ASS1: variants seen among roughly 807,000 people sequenced by gnomAD.
ASS1 encodes argininosuccinate synthase.
A neutral mutation model predicts 60.5 loss-of-function variants in ASS1; 58 were observed. The ratio of observed to expected loss-of-function variants is 0.96; its 90% CI spans 0.78 to 1.19. The LOEUF (loss-of-function observed/expected upper bound fraction) is 1.19, where lower values mean the gene tolerates loss of function less well. ASS1 is among the 50% of genes most tolerant of loss of function. The pLI is 0.00. For missense variants in ASS1, 454 were observed against 547.3 expected (o/e 0.83, Z 1.70); for synonymous variants, 200 against 206.9 (o/e 0.97, Z 0.29).
chr9:130,465,056 A>ATATATATATATATATTTTTTTTTTTT (rs1479147331), intron 5 of ASS1, among the ~76,000 whole-genome samples: 1 of 120,144 alleles, frequency 8.3e-6, no homozygotes, highest in African/African-American at 3.6e-5. Flanking sequence ...ATATATATAT[A>ATATATATATATATATTTTTTTTTTTT]TTTTTTTTTT....
intron 5 of ASS1, among the ~76,000 whole-genome samples, chr9:130,464,421 C>T (rs1198243958): frequency 6.6e-6 from 1 of 152,328 alleles, no homozygotes; most frequent in East Asian, 1.9e-4. Context: ...TAGAAAGTCC[C>T]TGCCACTCTT....
Position 130,478,238 on chromosome 9 carries a change from G to A in ASS1, c.688+1277G>A, listed in dbSNP as rs745900300. On this transcript the variant is annotated intron_variant, in intron 9 of 14. Coordinates refer to ENST00000352480, the MANE Select transcript of ASS1 (RefSeq NM_054012.4). This position sits in a 1 kb window ranked among gnomAD's most constrained non-coding sequence, Gnocchi z 4.7. Reference sequence around the variant, plus strand: ...CCAAAGAGGACCCCAAAGGCAGCCGGGCCCCCAGGCCTGTTTGCAGGCACA... The same window carrying A: ...CCAAAGAGGACCCCAAAGGCAGCCGAGCCCCCAGGCCTGTTTGCAGGCACA... Among the ~76,000 whole-genome samples, 4 of 152,224 alleles carry A rather than the reference G, an allele frequency of 2.6e-5. No homozygotes were observed. Among genetic ancestry groups the A allele is most frequent in the Non-Finnish European group, 4.4e-5 (3 of 68,032 alleles).
At chr9:130,467,500 AG>A (rs1845771689) in intron 6 of ASS1, among the ~76,000 whole-genome samples, 1 of 152,174 alleles carries the variant, frequency 6.6e-6, no homozygotes, top group African/African-American at 2.4e-5. Context: ...GCAGTCGCCA[AG>A]GCTGGCTGTG....
At chr9:130,468,854 G>A (rs536743530) in intron 6 of ASS1, among the ~76,000 whole-genome samples, 3 of 152,322 alleles carry the variant, frequency 2.0e-5, no homozygotes, top group East Asian at 1.9e-4. Flanking sequence ...ATGGTCTCAC[G>A]TTGTCTACAT....
intron 2 of ASS1, among the ~76,000 whole-genome samples, chr9:130,454,067 C>T (rs1845382688): frequency 1.3e-5 from 2 of 152,274 alleles, no homozygotes; most frequent in African/African-American, 4.8e-5. Context: ...TCAGCCAATG[C>T]TCCAACCCAT....
intron 1 of ASS1, among the ~76,000 whole-genome samples, chr9:130,448,115 C>A (rs1034364405): frequency 6.6e-6 from 1 of 151,866 alleles, no homozygotes; most frequent in African/African-American, 2.4e-5. Flanking sequence ...CGACATCAAA[C>A]CCTCAGTTTC....
chr9:130,486,660 C>T (rs891946406), intron 11 of ASS1, among the ~76,000 whole-genome samples: 1 of 152,176 alleles, frequency 6.6e-6, no homozygotes, highest in African/African-American at 2.4e-5. Context: ...TAGATTCAGA[C>T]GGTGGACATG....
rs1454691443 is a variant in ASS1, at chr9:130,476,764, G to C, written c.598-107G>C. 3 of 1,101,054 alleles carry C rather than the reference G, an allele frequency of 2.7e-6. No individual in the cohort carries two copies. Among genetic ancestry groups the C allele is most frequent in the Non-Finnish European group, 2.8e-6 (2 of 714,764 alleles). The allele number at this position is 1,101,054 out of a possible 1,614,324, so 68.2% of individuals were successfully genotyped here. On this transcript the variant is annotated intron_variant, in intron 8 of 14. Transcript: ENST00000352480. The surrounding 1 kb of genome is among the most constrained non-coding windows in gnomAD (Gnocchi z 4.9). The stretch of plus-strand genomic sequence containing the variant: ...GGGATCTGCCGGACCCCACCAGCTG[G>C]TGGGGAAATGGACAGAGGAGAGGGG...
In ASS1 at chr9:130,493,974, G is replaced by A. The variant is rs1007760626; in HGVS notation, c.971-893G>A. Among the ~76,000 whole-genome samples the A allele has an allele frequency of 3.5e-4, 54 of 152,318 alleles. No individual in the cohort carries two copies. The Middle Eastern group carries it at 0.01, about 29-fold the overall frequency. ...CTCCAAGTTTATCATAGGAAGCAGA[G>A]TTGTTACAACTTGGGCCAACACAAG... On this transcript the variant is annotated intron_variant, in intron 12 of 14. Coordinates refer to ENST00000352480, the MANE Select transcript of ASS1 (RefSeq NM_054012.4).
At chr9:130,457,628 G>A (rs1025501713) in intron 3 of ASS1, among the ~76,000 whole-genome samples, 6 of 152,160 alleles carry the variant, frequency 3.9e-5, no homozygotes, top group South Asian at 2.1e-4. Context: ...GAGGATTTTA[G>A]CAGTATCCCC....
intron 6 of ASS1, among the ~76,000 whole-genome samples, chr9:130,469,038 G>T (rs1185581857): frequency 6.6e-6 from 1 of 152,240 alleles, no homozygotes; most frequent in Non-Finnish European, 1.5e-5. Flanking sequence ...CTGGACGGAG[G>T]TCCGCTGAGA....
chr9:130,488,682 C>G lies in ASS1; in HGVS notation c.839-651C>G, dbSNP rs531286444. Among the ~76,000 whole-genome samples, 33 of 152,336 alleles carry G rather than the reference C, an allele frequency of 2.2e-4. No homozygotes were observed. Among genetic ancestry groups the G allele is most frequent in the Admixed American group, 2.6e-4 (4 of 15,298 alleles). The stretch of plus-strand genomic sequence containing the variant: ...GGGTTGGGCCTCCACGGCCAGGTGA[C>G]TTACAGGGCAGCAGACAGCACTGGT... On this transcript the variant is annotated intron_variant, in intron 11 of 14. Transcript: ENST00000352480. This position sits in a 1 kb window ranked among gnomAD's most constrained non-coding sequence, Gnocchi z 5.2.
rs17147018 is a variant in ASS1, at chr9:130,482,908, G to T, written c.838+2459G>T. ...TCAGTGTCGTACAGGGAAGAAAATC[G>T]GGATTCTGACGGCAAGAACTTGCTG... On this transcript the variant is annotated intron_variant, in intron 11 of 14. Coordinates refer to ENST00000352480, the MANE Select transcript of ASS1 (RefSeq NM_054012.4). 3.3e-3 allele frequency among the ~76,000 whole-genome samples: 497 copies of T among 152,260 alleles called. 3 individuals are homozygous for T. Among genetic ancestry groups the T allele is most frequent in the African/African-American group, 0.012 (486 of 41,520 alleles).
intron 5 of ASS1, among the ~76,000 whole-genome samples, chr9:130,466,026 G>T (rs1440393269): frequency 6.6e-6 from 1 of 152,196 alleles, no homozygotes; most frequent in Non-Finnish European, 1.5e-5. Flanking sequence ...TGCTCTGAGG[G>T]GCTGAGGAGG....
At chr9:130,493,911 C>G (rs7039110) in intron 12 of ASS1, among the ~76,000 whole-genome samples, 49,186 of 151,946 alleles carry the variant, frequency 0.32, 9,377 homozygotes, top group Middle Eastern at 0.48. Flanking sequence ...CTCCTGCCCC[C>G]ACCTACACAC....
chr9:130,491,070 T>C lies in ASS1; in HGVS notation c.970+1606T>C, dbSNP rs1022495355. ...CCCAGATTTTGTTTCCTTTTAAGCC[T>C]CCTAATCACTGTAACTCATCTCAGG... On this transcript the variant is annotated intron_variant, in intron 12 of 14. Transcript: ENST00000352480. This position sits in a 1 kb window ranked among gnomAD's most constrained non-coding sequence, Gnocchi z 5.3. Among the ~76,000 whole-genome samples, 1 of 152,172 alleles carries C rather than the reference T, an allele frequency of 6.6e-6. No individual in the cohort carries two copies. Among genetic ancestry groups the C allele is most frequent in the African/African-American group, 2.4e-5 (1 of 41,448 alleles).
chr9:130,457,565 G>A (rs529949735), intron 3 of ASS1, among the ~76,000 whole-genome samples: 159 of 152,272 alleles, frequency 1.0e-3, no homozygotes, highest in African/African-American at 3.5e-3. Flanking sequence ...CCTCTGGATC[G>A]GGGTTTCTCA....
intron 14 of ASS1, among the ~76,000 whole-genome samples, chr9:130,500,569 T>C (rs1447015488): frequency 6.6e-6 from 1 of 152,070 alleles, no homozygotes; most frequent in African/African-American, 2.4e-5. Flanking sequence ...CCGAGAGATG[T>C]TGAAGCCCGC....
chr9:130,500,607 C>G (rs1846727916), intron 14 of ASS1, among the ~76,000 whole-genome samples: 1 of 152,062 alleles, frequency 6.6e-6, no homozygotes, highest in Admixed American at 6.5e-5. Flanking sequence ...TCTCCCTTCC[C>G]CTCCGTCACC....
Sources: allele counts gnomAD v4.1 joint callset (sites outside exome capture counted in the v4.1 genomes callset), GRCh38; gene constraint gnomAD v4.1.1; non-coding constraint Gnocchi (gnomAD v3.1); transcripts MANE v1.5; gene names NCBI Gene and HGNC (gene_info 2026-07-23, HGNC 2026-07-21).